Variants in RAB11FIP1 observed in about 807,000 individuals in gnomAD.
The protein encoded by RAB11FIP1 is RAB11 family interacting protein 1.
In RAB11FIP1, 49 loss-of-function variants were observed where a neutral mutation model predicts 83.1. That is an observed-to-expected ratio of 0.59 (90% CI 0.47 to 0.75). RAB11FIP1 has a LOEUF of 0.75. Ranked by LOEUF, RAB11FIP1 falls within the 30% of genes least tolerant of loss-of-function variation. The pLI is 0.00. For missense variants in RAB11FIP1, 1,536 were observed against 1,598.7 expected, an observed-to-expected ratio of 0.96 and a Z score of 0.67; for synonymous variants, 670 against 656.0, an observed-to-expected ratio of 1.02 and a Z score of -0.33.
chr8:37,889,823 A>G (rs1166286789), intron 1 of RAB11FIP1, among the ~76,000 whole-genome samples: 1 of 151,912 alleles, frequency 6.6e-6, no homozygotes, highest in African/African-American at 2.4e-5. Flanking sequence ...AGACAGAGTC[A>G]CCCGGGCTGG....
intron 1 of RAB11FIP1, among the ~76,000 whole-genome samples, chr8:37,897,670 A>G (rs1807116805): frequency 6.6e-6 from 1 of 152,170 alleles, no homozygotes; most frequent in African/African-American, 2.4e-5. Context: ...GATTAGGACC[A>G]GAGAGAAGAA....
chr8:37,885,996 G>A (rs1355990747), intron 1 of RAB11FIP1, among the ~76,000 whole-genome samples: 1 of 152,220 alleles, frequency 6.6e-6, no homozygotes, highest in African/African-American at 2.4e-5. Flanking sequence ...GATTACGCTG[G>A]TAAAGGACTG....
In RAB11FIP1 at chr8:37,873,082, C is replaced by A. The variant is rs1806517886; in HGVS notation, c.1720G>T (p.Ala574Ser). ...TGTCCCAATTCAGAGGGGACAGATG[C>A]CTGGCCAGAGCTAGAAGGAAGAGGA... ...LPPLPSSSGQ[A>S]SVPSELGHGA... Residue 574 changes from alanine (A) to serine (S), a missense_variant, in exon 4 of 6, where the codon GCA (alanine) becomes TCA (serine). Physicochemically the swap from Ala to Ser is moderately conservative, Grantham distance 99. Transcript: ENST00000330843. 3.7e-6 allele frequency: 6 copies of A among 1,613,926 alleles called. No individual in the cohort carries two copies. The highest frequency in any genetic ancestry group is 2.2e-5 in the East Asian group (1 of 44,870).
At chr8:37,883,175 G>T (rs1484473189) in intron 1 of RAB11FIP1, among the ~76,000 whole-genome samples, 9 of 150,156 alleles carry the variant, frequency 6.0e-5, no homozygotes, top group Admixed American at 2.0e-4. Flanking sequence ...TTTTTTTCTG[G>T]TTTTTTTTTC....
At chr8:37,885,774 C>T (rs1806821463) in intron 1 of RAB11FIP1, among the ~76,000 whole-genome samples, 2 of 152,210 alleles carry the variant, frequency 1.3e-5, no homozygotes, top group Admixed American at 1.3e-4. Context: ...TGTGAAATCT[C>T]TTGGGCTTTT....
Position 37,874,712 on chromosome 8 carries a change from G to C in RAB11FIP1, c.1425C>G (p.Asp475Glu). 5 of 1,614,038 alleles carry C rather than the reference G, an allele frequency of 3.1e-6. No individual in the cohort carries two copies. The highest frequency in any genetic ancestry group is 4.2e-6 in the Non-Finnish European group (5 of 1,180,014). The change falls in exon 3 of 6, where the codon GAC becomes GAG. Residue 475 changes from aspartate to glutamate, a missense_variant. By Grantham distance (45) the Asp-to-Glu change is conservative. Transcript: ENST00000330843. The stretch of plus-strand genomic sequence containing the variant: ...CAAGGTCTTCAGCAGGCCCCGATGC[G>C]TCCTCCCCCGGCTTAACCCCCATCA... ...GMLMGVKPGE[D>E]ASGPAEDLVR...
intron 5 of RAB11FIP1, among the ~76,000 whole-genome samples, chr8:37,869,818 C>A (rs1471588781): frequency 6.6e-6 from 1 of 152,100 alleles, no homozygotes; most frequent in Non-Finnish European, 1.5e-5. Flanking sequence ...ATGTTAACCA[C>A]TAGAGAACTG....
At position 37,899,213 on chromosome 8, in the gene RAB11FIP1, G is replaced by C. The variant is rs758232597; in HGVS notation, c.229C>G (p.Leu77Val). 1.9e-6 allele frequency: 3 copies of C among 1,579,868 alleles called. No homozygotes were observed. The South Asian group carries it at 3.4e-5, about 18-fold the overall frequency. The change falls in exon 1 of 6, where the codon CTG becomes GTG. Residue 77 changes from leucine to valine, a missense_variant. Leu to Val is a conservative substitution (Grantham distance 32, BLOSUM62 1). Coordinates refer to ENST00000330843, the MANE Select transcript of RAB11FIP1 (RefSeq NM_001002814.3). The surrounding 1 kb of genome is among the most constrained non-coding windows in gnomAD (Gnocchi z 4.5). ...GCGGCCGCGGGTCCGGAGGACAGCA[G>C]CGATGGCAGCTCGAAGGTGGCCTCC... ...REEATFELPS[L>V]LSSGPAAAAT...
intron 5 of RAB11FIP1, among the ~76,000 whole-genome samples, chr8:37,868,910 G>A (rs1219326296): frequency 6.6e-6 from 1 of 152,112 alleles, no homozygotes; most frequent in Non-Finnish European, 1.5e-5. Flanking sequence ...GGAAATTGTT[G>A]ACTATAGTAT....
rs1806561191 is a variant in RAB11FIP1 at position 37,874,595 on chromosome 8, T to C, written c.1542A>G (p.Glu514=). ...GTTCAGACTTGGACTCTGGCTCAGCTTCTGGTTCTGTGATCTGCACATCTT... is the reference window on the plus strand; with the variant it reads ...GTTCAGACTTGGACTCTGGCTCAGCCTCTGGTTCTGTGATCTGCACATCTT... ...LFEDVQITEP[E]AEPESKSEPR... The change falls in exon 3 of 6, where the codon GAA becomes GAG. Residue 514 remains glutamate, a synonymous_variant. Coordinates refer to ENST00000330843, the MANE Select transcript of RAB11FIP1 (RefSeq NM_001002814.3). 2.5e-6 allele frequency: 4 copies of C among 1,614,066 alleles called. No individual in the cohort carries two copies. The highest frequency in any genetic ancestry group is 1.7e-6 in the Non-Finnish European group (2 of 1,180,042).
intron 1 of RAB11FIP1, among the ~76,000 whole-genome samples, chr8:37,896,823 A>G (rs1276736971): frequency 6.6e-6 from 1 of 152,234 alleles, no homozygotes; most frequent in Non-Finnish European, 1.5e-5. Flanking sequence ...GTTTAGGGAC[A>G]GAGAAGCCCA....
Position 37,870,492 on chromosome 8 carries a change from G to A in RAB11FIP1, c.3561C>T (p.Thr1187=). The change falls in exon 5 of 6, where the codon ACC becomes ACT. Residue 1187 remains threonine (T), a synonymous_variant. Transcript: ENST00000330843. ...TTCCCAAGCTGCAGTTAGCAACCTT[G>A]GTGGCCATTGCATTCATTGGCTTCA... The part of the protein sequence containing the change: ...HPVKPMNAMA[T]KVANCSLGTA... 1 of 1,608,362 alleles carries A rather than the reference G, an allele frequency of 6.2e-7. No individual in the cohort carries two copies. The highest frequency in any genetic ancestry group is 8.5e-7 in the Non-Finnish European group (1 of 1,175,128).
At chr8:37,871,178 C>A in intron 4 of RAB11FIP1, 100 bp downstream of exon 4, 2 of 1,465,276 alleles carry the variant, frequency 1.4e-6, no homozygotes, top group Non-Finnish European at 1.8e-6. Flanking sequence ...TGGGTTGTCA[C>A]ATCAGACGTC....
intron 5 of RAB11FIP1, among the ~76,000 whole-genome samples, chr8:37,870,164 A>T (rs1007151961): frequency 6.6e-6 from 1 of 152,090 alleles, no homozygotes; most frequent in African/African-American, 2.4e-5. Flanking sequence ...TAATTTTTTT[A>T]AAAAAGAAGG....
chr8:37,872,452 T>C lies in RAB11FIP1; in HGVS notation c.2350A>G (p.Ile784Val), dbSNP rs149060451. The C allele has an allele frequency of 2.2e-4, 356 of 1,614,084 alleles. 1 individual carries two copies. The African/African-American group carries it at 3.8e-3, about 17-fold the overall frequency. ...TCCAGCTTCCGCATCATGGAATCAA[T>C]GGAAGGGACTGATGCTCCCATGGGA... Reference protein sequence around the residue: ...PLPMGASVPSIDSMMRKLEEM... With the variant: ...PLPMGASVPSVDSMMRKLEEM... Residue 784 changes from isoleucine (I) to valine (V), a missense_variant, in exon 4 of 6, where the codon ATT becomes GTT. Coordinates refer to ENST00000330843, the MANE Select transcript of RAB11FIP1 (RefSeq NM_001002814.3).
Position 37,874,894 on chromosome 8 carries a change from C to A in RAB11FIP1, c.1243G>T (p.Ala415Ser). 2 of 1,614,084 alleles carry A rather than the reference C, an allele frequency of 1.2e-6. No individual in the cohort carries two copies. Among genetic ancestry groups the A allele is most frequent in the Non-Finnish European group, 1.7e-6 (2 of 1,180,016 alleles). Residue 415 changes from alanine (A) to serine (S), a missense_variant, in exon 3 of 6, where the codon GCA (alanine) becomes TCA (serine). Transcript: ENST00000330843. ...GCTTCTTTTGTGGCCTCTGAGTTTGCGGGGGCCATGTTTTCCCTGAGGTCC... is the reference window on the plus strand; with the variant it reads ...GCTTCTTTTGTGGCCTCTGAGTTTGAGGGGGCCATGTTTTCCCTGAGGTCC... ...SGDLRENMAP[A>S]NSEATKEAKE...
At position 37,861,280 on chromosome 8, in the gene RAB11FIP1, G is replaced by A. The variant is rs1203199777; in HGVS notation, c.*1615C>T. ...TGCTCTGCACAGTTTTATAACAAGG[G>A]GGTAAAATGCTGGTGAGTCTATTCA... is the stretch of plus-strand genomic sequence containing the variant. On this transcript the variant is annotated 3_prime_UTR_variant, in exon 6 of 6. Coordinates refer to ENST00000330843, the MANE Select transcript of RAB11FIP1 (RefSeq NM_001002814.3). 1.1e-5 allele frequency: 2 copies of A among 176,910 alleles called. No homozygotes were observed. The highest frequency in any genetic ancestry group is 2.4e-5 in the Non-Finnish European group (2 of 82,034). The allele number at this position is 176,910 out of a possible 1,614,324, so 11.0% of individuals were successfully genotyped here. A position where few individuals can be genotyped will look rare whatever the true frequency, so the allele number is the denominator to read the frequency against.
chr8:37,876,334 C>T (rs866042055), intron 2 of RAB11FIP1, among the ~76,000 whole-genome samples: 3 of 151,700 alleles, frequency 2.0e-5, no homozygotes, highest in East Asian at 2.0e-4. Flanking sequence ...TGGTTCACAC[C>T]GGTCATAAGA....
At position 37,872,947 on chromosome 8, in the gene RAB11FIP1, C is replaced by T. The variant is rs776905045; in HGVS notation, c.1855G>A (p.Asp619Asn). 11 of 1,614,074 alleles carry T rather than the reference C, an allele frequency of 6.8e-6. No homozygotes were observed. In the Admixed American group the frequency reaches 8.3e-5, roughly 12 times the overall value. The change falls in exon 4 of 6, where the codon GAC becomes AAC. Residue 619 changes from aspartate to asparagine, a missense_variant. Physicochemically the swap from Asp to Asn is conservative, Grantham distance 23. Transcript: ENST00000330843. ...CCTTCAGACTTGGCCTGGCCCCTGT[C>T]TACGAGAGGCCAGCTTTCAATTGGA... ...STPIESWPLV[D>N]RGQAKSEGPP... is the part of the protein sequence containing the mutation.
Sources: allele counts gnomAD v4.1 joint callset (sites outside exome capture counted in the v4.1 genomes callset), GRCh38; gene constraint gnomAD v4.1.1; non-coding constraint Gnocchi (gnomAD v3.1); transcripts MANE v1.5; gene names NCBI Gene and HGNC (gene_info 2026-07-23, HGNC 2026-07-21).